CHSY3: variants seen among roughly 807,000 people sequenced by gnomAD.
The protein encoded by CHSY3 is N-acetylgalactosaminyl-proteoglycan 3-beta-glucuronosyltransferase 3.
CHSY3 carries 35 observed loss-of-function variants against 67.2 expected under a neutral mutation model. That is an observed-to-expected ratio of 0.52 (90% CI 0.40 to 0.69). The LOEUF is 0.69. Among genes scored for constraint, CHSY3 ranks in the 30% least tolerant of loss-of-function variants. CHSY3 has a pLI of 0.00. For missense variants in CHSY3, 1,069 were observed against 1,138.5 expected (o/e 0.94, Z 0.88); for synonymous variants, 474 against 434.7 (o/e 1.09, Z -1.12).
At chr5:130,143,850 C>A (rs1768992273) in intron 2 of CHSY3, among the ~76,000 whole-genome samples, 2 of 52,730 alleles carry the variant, frequency 3.8e-5, no homozygotes, top group African/African-American at 6.2e-5. Context: ...ATATATATGC[C>A]AATTCAGCTA....
chr5:130,118,686 A>C (rs996209915), intron 2 of CHSY3, among the ~76,000 whole-genome samples: 3 of 152,040 alleles, frequency 2.0e-5, no homozygotes, highest in African/African-American at 7.2e-5. Context: ...TCCACATGTA[A>C]CCTTAAAATG....
At chr5:130,179,260 A>G (rs1316010214) in intron 2 of CHSY3, among the ~76,000 whole-genome samples, 1 of 152,166 alleles carries the variant, frequency 6.6e-6, no homozygotes, top group East Asian at 1.9e-4. Flanking sequence ...AGACCATTTA[A>G]TATAGATACT....
In CHSY3 at chr5:130,185,262, A is replaced by C. The variant is rs1164409598; in HGVS notation, c.2120A>C (p.Gln707Pro). The change falls in exon 3 of 3, where the codon CAG (glutamine) becomes CCG (proline). Residue 707 changes from glutamine to proline, a missense_variant. By Grantham distance (76) the Gln-to-Pro change is moderately conservative (BLOSUM62 -1). Coordinates refer to ENST00000305031, the MANE Select transcript of CHSY3 (RefSeq NM_175856.5). ...RGLGLEMASA[Q>P]FDNDTLLLFC... ...CTTGGTCTTGAAATGGCTTCTGCCC[A>C]GTTTGACAATGACACTTTGCTGCTA... 1 of 1,608,572 alleles carries C rather than the reference A, an allele frequency of 6.2e-7. No individual in the cohort carries two copies. Among genetic ancestry groups the C allele is most frequent in the Non-Finnish European group, 8.5e-7 (1 of 1,175,018 alleles).
At chr5:130,007,615 C>T (rs745780981) in intron 2 of CHSY3, among the ~76,000 whole-genome samples, 7 of 152,134 alleles carry the variant, frequency 4.6e-5, no homozygotes, top group Non-Finnish European at 7.4e-5. Flanking sequence ...CCCCTGTGGA[C>T]ATTTAGGCTG....
chr5:129,985,427 C>T (rs545022030), intron 2 of CHSY3, among the ~76,000 whole-genome samples: 7 of 151,712 alleles, frequency 4.6e-5, no homozygotes, highest in African/African-American at 1.7e-4. Flanking sequence ...GTTACTCTAG[C>T]ATTGTGGTAT....
chr5:130,067,092 A>G (rs926101837), intron 2 of CHSY3, among the ~76,000 whole-genome samples: 2 of 152,270 alleles, frequency 1.3e-5, no homozygotes, highest in East Asian at 3.9e-4. Context: ...ATCTGTGGTG[A>G]CTTTGGGTGG....
intron 2 of CHSY3, among the ~76,000 whole-genome samples, chr5:129,917,488 C>G (rs1760767181): frequency 6.6e-6 from 1 of 152,184 alleles, no homozygotes; most frequent in Non-Finnish European, 1.5e-5. Context: ...CAACTACTAG[C>G]TATTTTTGCA....
At chr5:129,933,440 TA>T (rs1761381339) in intron 2 of CHSY3, among the ~76,000 whole-genome samples, 1 of 152,214 alleles carries the variant, frequency 6.6e-6, no homozygotes, top group African/African-American at 2.4e-5. Flanking sequence ...AAATCCAATG[TA>T]AAAAATATTT....
At chr5:130,082,530 CTT>C (rs1255594589) in intron 2 of CHSY3, among the ~76,000 whole-genome samples, 1 of 151,996 alleles carries the variant, frequency 6.6e-6, no homozygotes, top group East Asian at 1.9e-4. Flanking sequence ...TAATTTTCCT[CTT>C]ATATTATTGC....
At chr5:130,044,204 A>G (rs1446830435) in intron 2 of CHSY3, among the ~76,000 whole-genome samples, 2 of 152,120 alleles carry the variant, frequency 1.3e-5, no homozygotes, top group Non-Finnish European at 2.9e-5. Flanking sequence ...TTGGAGGTCA[A>G]GTAGAGGAGA....
chr5:130,031,618 G>C (rs1764706090), intron 2 of CHSY3, among the ~76,000 whole-genome samples: 1 of 152,150 alleles, frequency 6.6e-6, no homozygotes. Context: ...GATATGTGCA[G>C]GGGATATATA....
At chr5:129,977,992 A>G (rs1338485833) in intron 2 of CHSY3, among the ~76,000 whole-genome samples, 1 of 152,110 alleles carries the variant, frequency 6.6e-6, no homozygotes, top group Non-Finnish European at 1.5e-5. Context: ...AACTTTCACC[A>G]GATCCCTTCA....
intron 2 of CHSY3, among the ~76,000 whole-genome samples, chr5:130,011,428 T>C (rs529088156): frequency 2.2e-4 from 33 of 152,270 alleles, no homozygotes; most frequent in Non-Finnish European, 4.3e-4. Flanking sequence ...CAACATTCCT[T>C]CATGTTAAAA....
chr5:130,012,178 A>G (rs1764083772), intron 2 of CHSY3, among the ~76,000 whole-genome samples: 1 of 152,216 alleles, frequency 6.6e-6, no homozygotes, highest in Non-Finnish European at 1.5e-5. Flanking sequence ...CCAGAGGCAT[A>G]ACACTGCCAG....
chr5:130,118,412 T>C (rs1347829437), intron 2 of CHSY3, among the ~76,000 whole-genome samples: 1 of 152,116 alleles, frequency 6.6e-6, no homozygotes, highest in Non-Finnish European at 1.5e-5. Flanking sequence ...ATTGCACATC[T>C]ACAATTACTA....
intron 2 of CHSY3, among the ~76,000 whole-genome samples, chr5:129,909,679 G>A (rs1413522913): frequency 6.6e-6 from 1 of 151,866 alleles, no homozygotes; most frequent in African/African-American, 2.4e-5. Context: ...TTAGAGACAG[G>A]TAATCTAGAA....
chr5:130,167,510 A>G (rs1769782231), intron 2 of CHSY3, among the ~76,000 whole-genome samples: 2 of 152,254 alleles, frequency 1.3e-5, no homozygotes, highest in East Asian at 1.9e-4. Flanking sequence ...AAGAAAAAGG[A>G]GATCTGGAAT....
intron 2 of CHSY3, among the ~76,000 whole-genome samples, chr5:130,113,529 T>A (rs1028456772): frequency 6.6e-6 from 1 of 152,160 alleles, no homozygotes. Flanking sequence ...AATTTAAAAA[T>A]ATAGACGTAA....
chr5:130,167,651 TTACAA>T (rs1397981862), intron 2 of CHSY3, among the ~76,000 whole-genome samples: 1 of 152,092 alleles, frequency 6.6e-6, no homozygotes, highest in Non-Finnish European at 1.5e-5. Flanking sequence ...CTTTCTTACT[TTACAA>T]TATATAATAC....
Sources: gnomAD v4.1 joint callset for allele counts (sites outside exome capture counted in the v4.1 genomes callset) on GRCh38, gnomAD v4.1.1 for gene constraint, MANE v1.5 for transcripts, NCBI Gene and HGNC (gene_info 2026-07-23, HGNC 2026-07-21) for gene names.